The following NXPH4 variants were observed in gnomAD, a reference collection of about 807,000 sequenced individuals.
The protein encoded by NXPH4 is neurexophilin-4.
Under a neutral mutation model 21.3 loss-of-function variants are expected in NXPH4, and 8 were observed. That is an observed-to-expected ratio of 0.38 (90% CI 0.22 to 0.68). The LOEUF is 0.68. Among genes scored for constraint, NXPH4 ranks in the 30% least tolerant of loss-of-function variants. The pLI is 0.53. For missense variants in NXPH4, 418 were observed against 416.8 expected (o/e 1.00, Z -0.03); for synonymous variants, 219 against 192.6 (o/e 1.14, Z -1.13).
At chr12:57,224,736 G>A (rs1483865414) in intron 1 of NXPH4, 142 bp from the exon 2 acceptor site, 1 of 421,228 alleles carries the variant, frequency 2.4e-6, no homozygotes, top group Non-Finnish European at 4.2e-6. Flanking sequence ...TCTCCTCCAA[G>A]GCACGCTCCC....
chr12:57,223,222 G>T (rs1041629816), intron 1 of NXPH4, among the ~76,000 whole-genome samples: 2 of 152,070 alleles, frequency 1.3e-5, no homozygotes, highest in Non-Finnish European at 2.9e-5. Flanking sequence ...GAGGATGACA[G>T]GGGCTCACAC....
chr12:57,225,348 G>T lies in NXPH4; in HGVS notation c.528G>T (p.Leu176=). ...TGCCCGGGCCTGTCCCCCACCCTCT[G>T]CAGTCTACGCTCGCCCTGGAGGGGG... ...VWLPGPVPHP[L]QSTLALEGVL... Residue 176 remains leucine (L), a synonymous_variant, in exon 2 of 2, where the codon CTG becomes CTT. Coordinates refer to ENST00000349394, the MANE Select transcript of NXPH4 (RefSeq NM_007224.4). 1.3e-6 allele frequency: 2 copies of T among 1,577,522 alleles called. No individual in the cohort carries two copies. The highest frequency in any genetic ancestry group is 8.6e-7 in the Non-Finnish European group (1 of 1,165,048).
chr12:57,225,806 C>T lies in NXPH4; in HGVS notation c.*59C>T, dbSNP rs7979451. On this transcript the variant is annotated 3_prime_UTR_variant, in exon 2 of 2. Coordinates refer to ENST00000349394, the MANE Select transcript of NXPH4 (RefSeq NM_007224.4). ...AAATCCCAGCCTCACTAGGTGGGACCCCCTTCCCAGTGTTCTGCCGCTCCT... is the reference window on the plus strand; with the variant it reads ...AAATCCCAGCCTCACTAGGTGGGACTCCCTTCCCAGTGTTCTGCCGCTCCT... The T allele has an allele frequency of 0.02, 31,715 of 1,560,174 alleles. 404 individuals are homozygous for T. Among genetic ancestry groups the T allele is most frequent in the Non-Finnish European group, 0.023 (26,995 of 1,150,702 alleles).
rs1452535822 is a variant in NXPH4, at chr12:57,225,144, G to C, written c.324G>C (p.Trp108Cys). 1 of 1,568,822 alleles carries C rather than the reference G, an allele frequency of 6.4e-7. No homozygotes were observed. The highest frequency in any genetic ancestry group is 8.6e-7 in the Non-Finnish European group (1 of 1,157,830). ...CGCGCGCCAAAAAGATCTTCGGCTGGGGGGACTTCTACTTTCGGGTGCATA... is the reference window on the plus strand; with the variant it reads ...CGCGCGCCAAAAAGATCTTCGGCTGCGGGGACTTCTACTTTCGGGTGCATA... ...KAARAKKIFG[W>C]GDFYFRVHTL... The change falls in exon 2 of 2, where the codon TGG (tryptophan) becomes TGC (cysteine). Residue 108 changes from tryptophan to cysteine, a missense_variant. By Grantham distance (215) the Trp-to-Cys change is radical (BLOSUM62 -2). Transcript: ENST00000349394.
At position 57,225,042 on chromosome 12, in the gene NXPH4, GGGGGCGCTGGCCCGGGCA is replaced by G. The variant is rs1565764250; in HGVS notation, c.228_245del (p.Leu77_Ala82del). 6 of 1,480,028 alleles carry G rather than the reference GGGGGCGCTGGCCCGGGCA, an allele frequency of 4.1e-6. No individual in the cohort carries two copies. In the South Asian group the frequency reaches 7.9e-5, roughly 20 times the overall value. The allele number at this position is 1,480,028 out of a possible 1,614,324, so 91.7% of individuals were successfully genotyped here. A position where few individuals can be genotyped will look rare whatever the true frequency, so the allele number is the denominator to read the frequency against. On this transcript the variant is annotated inframe_deletion, in exon 2 of 2. Transcript: ENST00000349394. ...GCTGGGCCTGGCCGACCAACCACAC[GGGGGCGCTGGCCCGGGCA>G]GGGGCAGCCGGGGCGTTGCCCGCGC...
intron 1 of NXPH4, among the ~76,000 whole-genome samples, chr12:57,220,890 T>C (rs2037084874): frequency 7.3e-6 from 1 of 136,658 alleles, no homozygotes; most frequent in Admixed American, 7.2e-5. Context: ...TGCCCCACCC[T>C]GACCCCATCC....
At chr12:57,220,946 ATGCTGCTTCC>A (rs2037085434) in intron 1 of NXPH4, among the ~76,000 whole-genome samples, 1 of 135,276 alleles carries the variant, frequency 7.4e-6, no homozygotes, top group South Asian at 2.3e-4. Flanking sequence ...TCCTGTCCCC[ATGCTGCTTCC>A]TGGACTGTTC....
chr12:57,218,559 G>A (rs1730958378), intron 1 of NXPH4, among the ~76,000 whole-genome samples: 1 of 152,210 alleles, frequency 6.6e-6, no homozygotes, highest in Non-Finnish European at 1.5e-5. Context: ...CTCCCCTGTG[G>A]ACAGATCTGG....
intron 1 of NXPH4, among the ~76,000 whole-genome samples, chr12:57,218,103 G>A (rs977597999): frequency 3.9e-5 from 6 of 152,202 alleles, no homozygotes; most frequent in Non-Finnish European, 8.8e-5. Context: ...TACCTAGTTT[G>A]GGGGCAGGCA....
chr12:57,219,141 T>C (rs2037066123), intron 1 of NXPH4, among the ~76,000 whole-genome samples: 2 of 152,268 alleles, frequency 1.3e-5, no homozygotes, highest in South Asian at 4.1e-4. Flanking sequence ...AAGAGGTGGC[T>C]AGGGGACAGT....
At chr12:57,222,224 G>A (rs1408329457) in intron 1 of NXPH4, among the ~76,000 whole-genome samples, 4 of 152,138 alleles carry the variant, frequency 2.6e-5, no homozygotes, top group Non-Finnish European at 1.5e-5. Flanking sequence ...AGTAGTGGGT[G>A]GGGGCGGGAC....
At position 57,224,988 on chromosome 12, in the gene NXPH4, G is replaced by A; in HGVS notation, c.168G>A (p.Ser56=). Residue 56 remains serine, a synonymous_variant, in exon 2 of 2, where the codon TCG becomes TCA. Transcript: ENST00000349394. ...PGQQLPEPRS[S]DGLGVGRAWS... The stretch of plus-strand genomic sequence containing the variant: ...AGCAGCTCCCAGAGCCAAGGTCTTC[G>A]GACGGCCTAGGCGTGGGCCGCGCCT... The A allele has an allele frequency of 2.1e-6, 3 of 1,462,434 alleles. No homozygotes were observed. Among genetic ancestry groups the A allele is most frequent in the Non-Finnish European group, 2.7e-6 (3 of 1,107,092 alleles). 90.6% of individuals were successfully genotyped at this position (1,462,434 alleles called of 1,614,324 possible). A position where few individuals can be genotyped will look rare whatever the true frequency, so the allele number is the denominator to read the frequency against.
At chr12:57,224,377 C>G (rs1444201074) in intron 1 of NXPH4, among the ~76,000 whole-genome samples, 3 of 152,178 alleles carry the variant, frequency 2.0e-5, no homozygotes, top group African/African-American at 7.2e-5. Flanking sequence ...CCACCTCAGC[C>G]CCCCAAAGTG....
At position 57,225,539 on chromosome 12, in the gene NXPH4, C is replaced by G; in HGVS notation, c.719C>G (p.Thr240Arg). Residue 240 changes from threonine to arginine, a missense_variant, in exon 2 of 2, where the codon ACA becomes AGA. Transcript: ENST00000349394. ...AFNCHVEYEK[T>R]NRARKHRPCL... ...AATTGCCACGTGGAGTATGAGAAGA[C>G]AAACCGCGCGCGCAAGCACCGACCG... is the stretch of plus-strand genomic sequence containing the variant. 17 of 1,613,066 alleles carry G rather than the reference C, an allele frequency of 1.1e-5. No individual in the cohort carries two copies. Among genetic ancestry groups the G allele is most frequent in the Non-Finnish European group, 1.0e-5 (12 of 1,179,994 alleles).
At chr12:57,219,554 T>C (rs2037070308) in intron 1 of NXPH4, among the ~76,000 whole-genome samples, 1 of 152,166 alleles carries the variant, frequency 6.6e-6, no homozygotes, top group Non-Finnish European at 1.5e-5. Flanking sequence ...CTGATTCTCT[T>C]AGAGCTGGCT....
In NXPH4 at chr12:57,222,664, C is replaced by T. The variant is rs575689888; in HGVS notation, c.58-2214C>T. Among the ~76,000 whole-genome samples, 63 of 152,200 alleles carry T rather than the reference C, an allele frequency of 4.1e-4. No individual in the cohort carries two copies. The South Asian group carries it at 0.012, about 30-fold the overall frequency. On this transcript the variant is annotated intron_variant, in intron 1 of 1. Coordinates refer to ENST00000349394, the MANE Select transcript of NXPH4 (RefSeq NM_007224.4). ...CTCTCAGATTCAGGCCCTGCCCTCT[C>T]CAAGCCCACTTCTGGGGCCTCTTCT...
chr12:57,225,039 C>T lies in NXPH4; in HGVS notation c.219C>T (p.His73=), dbSNP rs1266986632. Residue 73 remains histidine, a synonymous_variant, in exon 2 of 2, where the codon CAC becomes CAT. Coordinates refer to ENST00000349394, the MANE Select transcript of NXPH4 (RefSeq NM_007224.4). ...RAWSWAWPTN[H]TGALARAGAA... ...GGAGCTGGGCCTGGCCGACCAACCA[C>T]ACGGGGGCGCTGGCCCGGGCAGGGG... 6.7e-7 allele frequency: 1 copy of T among 1,483,102 alleles called. No homozygotes were observed. The highest frequency in any genetic ancestry group is 9.0e-7 in the Non-Finnish European group (1 of 1,114,900). The allele number at this position is 1,483,102 out of a possible 1,614,324, so 91.9% of individuals were successfully genotyped here.
intron 1 of NXPH4, chr12:57,221,214 C>A (rs2037088381): frequency 4.9e-6 from 2 of 405,830 alleles, no homozygotes; most frequent in African/African-American, 2.0e-5. Context: ...CTCTATCCCT[C>A]GTTCCCAGCC....
Position 57,226,183 on chromosome 12 carries a change from T to G in NXPH4, c.*436T>G. Reference sequence around the variant, plus strand: ...TGCTTCACCCTACCCCGCCTAAGACTGTAAAGGCCTAAAAACCTCGGCCTG... The same window carrying G: ...TGCTTCACCCTACCCCGCCTAAGACGGTAAAGGCCTAAAAACCTCGGCCTG... On this transcript the variant is annotated 3_prime_UTR_variant, in exon 2 of 2. Coordinates refer to ENST00000349394, the MANE Select transcript of NXPH4 (RefSeq NM_007224.4). 1 of 410,834 alleles carries G rather than the reference T, an allele frequency of 2.4e-6. No individual in the cohort carries two copies. Among genetic ancestry groups the G allele is most frequent in the African/African-American group, 2.0e-5 (1 of 49,344 alleles). 25.4% of individuals were successfully genotyped at this position (410,834 alleles called of 1,614,324 possible). A position where few individuals can be genotyped will look rare whatever the true frequency, so the allele number is the denominator to read the frequency against.
Sources: allele counts gnomAD v4.1 joint callset (sites outside exome capture counted in the v4.1 genomes callset), GRCh38; gene constraint gnomAD v4.1.1; transcripts MANE v1.5; gene names NCBI Gene and HGNC (gene_info 2026-07-23, HGNC 2026-07-21).